ATP12A: variants seen among roughly 807,000 people sequenced by gnomAD.
ATP12A encodes the protein potassium-transporting ATPase alpha chain 2.
ATP12A carries 81 observed loss-of-function variants against 111.2 expected under a neutral mutation model. That is an observed-to-expected ratio of 0.73 (90% CI 0.61 to 0.88). ATP12A has a LOEUF of 0.88. Among genes scored for constraint, ATP12A ranks in the 40% least tolerant of loss-of-function variants. ATP12A has a pLI of 0.00. For synonymous variants in ATP12A, 498 were observed against 499.8 expected (o/e 1.00, Z 0.05); for missense variants, 1,196 against 1,313.1 (o/e 0.91, Z 1.38).
chr13:24,706,480 G>A lies in ATP12A; in HGVS notation c.2169+17G>A. The A allele has an allele frequency of 6.2e-7, 1 of 1,611,574 alleles. No individual in the cohort carries two copies. Among genetic ancestry groups the A allele is most frequent in the Non-Finnish European group, 8.5e-7 (1 of 1,178,662 alleles). On this transcript the variant is annotated intron_variant, in intron 15 of 22. Coordinates refer to ENST00000381946, the MANE Select transcript of ATP12A (RefSeq NM_001676.7). ...CAGAGGCAGGTGGGTGGACAGCAGT[G>A]TCCAGAGGACTGACAGGCCCATCAC...
intron 8 of ATP12A, among the ~76,000 whole-genome samples, chr13:24,692,193 A>G (rs1874932204): frequency 6.6e-6 from 1 of 152,192 alleles, no homozygotes; most frequent in Non-Finnish European, 1.5e-5. Context: ...CAAGTCATGA[A>G]GGAACAAGAA....
intron 11 of ATP12A, among the ~76,000 whole-genome samples, chr13:24,698,302 C>T (rs573323009): frequency 2.5e-4 from 38 of 152,238 alleles, no homozygotes; most frequent in Middle Eastern, 6.8e-3. Context: ...CGGCTGCTCC[C>T]CACAGGGAGG....
chr13:24,700,906 G>T lies in ATP12A; in HGVS notation c.1865G>T (p.Arg622Leu). 1 of 1,614,028 alleles carries T rather than the reference G, an allele frequency of 6.2e-7. No individual in the cohort carries two copies. The highest frequency in any genetic ancestry group is 1.1e-5 in the South Asian group (1 of 91,054). ...STVPDAVTKCRSAGIKVIMVT... is the reference protein window; with the variant it reads ...STVPDAVTKCLSAGIKVIMVT... ...GTGCCAGATGCAGTCACCAAATGCC[G>T]GAGTGCAGGGATCAAGGTGGGAGTT... Residue 622 changes from arginine (R) to leucine (L), a missense_variant, in exon 13 of 23, where the codon CGG becomes CTG. Arg to Leu is a moderately radical substitution (Grantham distance 102). Around this residue, in one of 3 missense-constraint regions of ATP12A, gnomAD observed 1,126 missense variants for 1,228.5 expected, o/e 0.92. Coordinates refer to ENST00000381946, the MANE Select transcript of ATP12A (RefSeq NM_001676.7).
chr13:24,711,262 G>C, intron 21 of ATP12A, 56 bp from the exon 22 acceptor site: 4 of 1,500,932 alleles, frequency 2.7e-6, no homozygotes, highest in South Asian at 1.2e-5. Flanking sequence ...CATTGGGCAG[G>C]GTTGGGCTAT....
At chr13:24,683,227 G>A (rs987979626) in intron 2 of ATP12A, among the ~76,000 whole-genome samples, 6 of 152,180 alleles carry the variant, frequency 3.9e-5, no homozygotes, top group Non-Finnish European at 8.8e-5. Flanking sequence ...CAAAGTGCTG[G>A]GATTACAGGC....
chr13:24,696,684 AG>A (rs1472962123), intron 11 of ATP12A, among the ~76,000 whole-genome samples: 1 of 111,264 alleles, frequency 9.0e-6, no homozygotes, highest in Non-Finnish European at 1.8e-5. Flanking sequence ...TGCAGTCCGC[AG>A]TCCGGCCTGG....
intron 5 of ATP12A, among the ~76,000 whole-genome samples, chr13:24,689,720 C>T (rs1219998581): frequency 2.0e-5 from 3 of 152,080 alleles, no homozygotes; most frequent in East Asian, 1.9e-4. Flanking sequence ...TTATCTGTGA[C>T]CATTTTTGCT....
chr13:24,689,648 G>A (rs1874797594), intron 5 of ATP12A, among the ~76,000 whole-genome samples: 1 of 152,206 alleles, frequency 6.6e-6, no homozygotes, highest in Non-Finnish European at 1.5e-5. Flanking sequence ...TTCTGGAAGG[G>A]ACCTGTGGAA....
chr13:24,706,356 A>T lies in ATP12A; in HGVS notation c.2062A>T (p.Met688Leu), dbSNP rs140236944. 1.0e-4 allele frequency: 162 copies of T among 1,614,218 alleles called. 2 individuals are homozygous for T. In the African/African-American group the frequency reaches 1.9e-3, roughly 19 times the overall value. The change falls in exon 15 of 23, where the codon ATG becomes TTG. Residue 688 changes from methionine (M) to leucine (L), a missense_variant. Transcript: ENST00000381946. ...AVVTGMELKD[M>L]SSEQLDEILA... ...GGTGACTGGCATGGAGCTGAAGGAC[A>T]TGAGCTCAGAACAGCTGGATGAGAT... is the stretch of plus-strand genomic sequence containing the variant.
rs560594421 is a variant in ATP12A at position 24,705,893 on chromosome 13, T to C, written c.2019-420T>C. ...CTCACTATGTTGCCCAGGCTGGTCT[T>C]GAACTCTTGGCCTCAAGTGATCCTC... is the stretch of plus-strand genomic sequence containing the variant. On this transcript the variant is annotated intron_variant, in intron 14 of 22. Coordinates refer to ENST00000381946, the MANE Select transcript of ATP12A (RefSeq NM_001676.7). Among the ~76,000 whole-genome samples, 13 of 152,254 alleles carry C rather than the reference T, an allele frequency of 8.5e-5. No homozygotes were observed. In the South Asian group the frequency reaches 2.7e-3, roughly 32 times the overall value.
chr13:24,698,398 C>T (rs574507836), intron 11 of ATP12A, among the ~76,000 whole-genome samples: 5 of 152,108 alleles, frequency 3.3e-5, no homozygotes, highest in East Asian at 1.9e-4. Flanking sequence ...AGATTTCACA[C>T]GCTGACGGCC....
chr13:24,689,703 C>T (rs1182390118), intron 5 of ATP12A, among the ~76,000 whole-genome samples: 1 of 152,144 alleles, frequency 6.6e-6, no homozygotes, highest in Non-Finnish European at 1.5e-5. Flanking sequence ...GACCAGCCTG[C>T]AATTGTTTAT....
At position 24,711,690 on chromosome 13, in the gene ATP12A, TTAAAAC is replaced by T. The variant is rs1875981994; in HGVS notation, c.*170_*175del. The stretch of plus-strand genomic sequence containing the variant: ...AGGATGCTCACTGATGTTTTGCACT[TTAAAAC>T]TGAAATTCAACTCTTTATATAGGAT... On this transcript the variant is annotated 3_prime_UTR_variant, in exon 23 of 23. Coordinates refer to ENST00000381946, the MANE Select transcript of ATP12A (RefSeq NM_001676.7). 3.5e-6 allele frequency: 3 copies of T among 855,026 alleles called. No individual in the cohort carries two copies. In the African/African-American group the frequency reaches 5.1e-5, roughly 15 times the overall value. The allele number at this position is 855,026 out of a possible 1,614,324, so 53.0% of individuals were successfully genotyped here. A position where few individuals can be genotyped will look rare whatever the true frequency, so the allele number is the denominator to read the frequency against.
At position 24,692,889 on chromosome 13, in the gene ATP12A, T is replaced by C. The variant is rs74643383; in HGVS notation, c.1370T>C (p.Ile457Thr). The change falls in exon 10 of 23, where the codon ATC (isoleucine) becomes ACC (threonine). Residue 457 changes from isoleucine to threonine, a missense_variant. Ile to Thr is a moderately conservative substitution (Grantham distance 89). Around this residue, in one of 3 missense-constraint regions of ATP12A, gnomAD observed 1,126 missense variants for 1,228.5 expected, o/e 0.92. Coordinates refer to ENST00000381946, the MANE Select transcript of ATP12A (RefSeq NM_001676.7). ...EFKPGQENVP[I>T]MKKAVIGDAS... ...AAGCCAGGACAGGAAAATGTCCCCA[T>C]CATGAAGGTAATGCTTCTGCAGCAC... The C allele has an allele frequency of 6.2e-7, 1 of 1,613,292 alleles. No individual in the cohort carries two copies. Among genetic ancestry groups the C allele is most frequent in the African/African-American group, 1.3e-5 (1 of 74,916 alleles).
chr13:24,692,805 G>C lies in ATP12A; in HGVS notation c.1286G>C (p.Ser429Thr). 1.2e-6 allele frequency: 2 copies of C among 1,614,220 alleles called. No homozygotes were observed. The highest frequency in any genetic ancestry group is 1.1e-5 in the South Asian group (1 of 91,082). ...CTTCCAGACCAAGTCTTTGACCAAA[G>C]CTCTAGGACTTGGGCCTCCTTATCC... ...EDHSNQVFDQ[S>T]SRTWASLSKI... is the part of the protein sequence containing the mutation. The change falls in exon 10 of 23, where the codon AGC (serine) becomes ACC (threonine). Residue 429 changes from serine (S) to threonine (T), a missense_variant. This residue lies in a region of ATP12A where 1,126 missense variants were observed against 1,228.5 expected (regional missense o/e 0.92). Coordinates refer to ENST00000381946, the MANE Select transcript of ATP12A (RefSeq NM_001676.7).
chr13:24,687,038 C>T (rs1452882849), intron 3 of ATP12A, among the ~76,000 whole-genome samples: 1 of 152,042 alleles, frequency 6.6e-6, no homozygotes, highest in Non-Finnish European at 1.5e-5. Context: ...AAAGATGAGT[C>T]TGGGGTTCTG....
intron 11 of ATP12A, among the ~76,000 whole-genome samples, chr13:24,697,792 A>AAGC (rs1410905478): frequency 1.3e-5 from 2 of 152,078 alleles, no homozygotes; most frequent in African/African-American, 4.8e-5. Context: ...TCATTAAAAA[A>AAGC]AGCAGCAGCA....
intron 2 of ATP12A, among the ~76,000 whole-genome samples, chr13:24,683,241 A>T (rs1874548622): frequency 6.6e-6 from 1 of 152,248 alleles, no homozygotes; most frequent in African/African-American, 2.4e-5. Flanking sequence ...TACAGGCGTG[A>T]GCCACTGTGT....
intron 14 of ATP12A, chr13:24,703,473 C>T (rs1439144939): frequency 1.3e-5 from 2 of 152,212 alleles, no homozygotes; most frequent in Admixed American, 1.3e-4. Flanking sequence ...AACTCCTGAC[C>T]TCAAGTGATC....
Sources: allele counts gnomAD v4.1 joint callset (sites outside exome capture counted in the v4.1 genomes callset), GRCh38; gene constraint gnomAD v4.1.1; regional missense constraint gnomAD v4.1.1; transcripts MANE v1.5; gene names NCBI Gene and HGNC (gene_info 2026-07-23, HGNC 2026-07-21).